Variants in EXOC4 observed in about 807,000 individuals in gnomAD.
EXOC4 encodes exocyst complex component 4, also known as SEC8-like 1.
Under a neutral mutation model 107.2 loss-of-function variants are expected in EXOC4, and 71 were observed. That is an observed-to-expected ratio of 0.66 (90% confidence interval 0.55 to 0.81). The LOEUF is 0.81. EXOC4 is among the 30% of genes least tolerant of loss of function. The pLI, the probability that EXOC4 is intolerant of heterozygous loss-of-function variation, is 0.00. For missense variants in EXOC4, 1,108 were observed against 1,189.6 expected (o/e 0.93, Z 1.01); for synonymous variants, 456 against 441.2 (o/e 1.03, Z -0.42).
At chr7:133,791,907 A>C (rs1796709991) in intron 10 of EXOC4, among the ~76,000 whole-genome samples, 1 of 152,240 alleles carries the variant, frequency 6.6e-6, no homozygotes, top group Non-Finnish European at 1.5e-5. Flanking sequence ...CTCTACAGTT[A>C]CTTCTCACTT....
At chr7:134,081,442 A>G in the EXOC4 span, among the ~76,000 whole-genome samples, 1 of 152,142 alleles carries the variant, frequency 6.6e-6, no homozygotes, top group Admixed American at 6.5e-5. Flanking sequence ...TTTTATTGCC[A>G]TTTGACATTC....
chr7:133,389,142 C>T (rs1005396117), intron 7 of EXOC4, among the ~76,000 whole-genome samples: 1 of 151,686 alleles, frequency 6.6e-6, no homozygotes, highest in African/African-American at 2.4e-5. Flanking sequence ...TGGAGAGCTG[C>T]GAATTAGAAG....
At chr7:133,943,741 T>A (rs1800485669) in intron 14 of EXOC4, among the ~76,000 whole-genome samples, 1 of 151,712 alleles carries the variant, frequency 6.6e-6, no homozygotes, top group South Asian at 2.1e-4. Flanking sequence ...ATTTTGCAAT[T>A]TGGTTATTTG....
In EXOC4 at chr7:133,305,933, C is replaced by A. The variant is rs1050179425; in HGVS notation, c.528C>A (p.Asp176Glu). 1 of 1,613,256 alleles carries A rather than the reference C, an allele frequency of 6.2e-7. No individual in the cohort carries two copies. Among genetic ancestry groups the A allele is most frequent in the Admixed American group, 1.7e-5 (1 of 59,924 alleles). The change falls in exon 4 of 18, where the codon GAC (aspartate) becomes GAA (glutamate). Residue 176 changes from aspartate (D) to glutamate (E), a missense_variant. Asp to Glu is a conservative substitution (Grantham distance 45, BLOSUM62 2). Coordinates refer to ENST00000253861, the MANE Select transcript of EXOC4 (RefSeq NM_021807.4). ...TGCTCCAGGTGGAAGGACTGAGTGA[C>A]CTTCGACTAGAGCTTCACAGCAAGA... is the stretch of plus-strand genomic sequence containing the variant. Reference protein sequence around the residue: ...GPLLQVEGLSDLRLELHSKKM... With the variant: ...GPLLQVEGLSELRLELHSKKM...
chr7:133,377,901 A>G (rs1211588842), intron 7 of EXOC4, among the ~76,000 whole-genome samples: 1 of 152,240 alleles, frequency 6.6e-6, no homozygotes. Flanking sequence ...TTGTCAATCT[A>G]GAATTTTGTG....
chr7:133,557,868 G>A (rs921102496), intron 9 of EXOC4, among the ~76,000 whole-genome samples: 1 of 152,122 alleles, frequency 6.6e-6, no homozygotes, highest in Non-Finnish European at 1.5e-5. Context: ...GCAGGTGCCT[G>A]TAATCGCAGC....
intron 11 of EXOC4, among the ~76,000 whole-genome samples, chr7:133,868,281 A>G (rs946180020): frequency 2.0e-5 from 3 of 152,218 alleles, no homozygotes; most frequent in Admixed American, 6.5e-5. Flanking sequence ...ACAGAGAATG[A>G]TTCTCTAATC....
chr7:133,866,476 A>G (rs1164253024), intron 11 of EXOC4, among the ~76,000 whole-genome samples: 6 of 152,180 alleles, frequency 3.9e-5, no homozygotes, highest in Admixed American at 2.6e-4. Context: ...GTAGCAAGAG[A>G]TAATGTAGCT....
chr7:133,764,450 C>T (rs780836878), intron 10 of EXOC4, among the ~76,000 whole-genome samples: 2 of 151,942 alleles, frequency 1.3e-5, no homozygotes, highest in Non-Finnish European at 2.9e-5. Flanking sequence ...AATCCATTCC[C>T]CTCCTAGGAG....
At position 133,541,019 on chromosome 7, in the gene EXOC4, T is replaced by C. The variant is rs188297152; in HGVS notation, c.1417+60881T>C. On this transcript the variant is annotated intron_variant, in intron 9 of 17. Coordinates refer to ENST00000253861, the MANE Select transcript of EXOC4 (RefSeq NM_021807.4). ...GGTTTTACATTAAGATATGCAATAA[T>C]AAGGAAAACCGTGGCACATCTGAAT... Among the ~76,000 whole-genome samples, 299 of 152,284 alleles carry C rather than the reference T, an allele frequency of 2.0e-3. 1 individual carries two copies. The highest frequency in any genetic ancestry group is 0.012 in the South Asian group (56 of 4,824).
chr7:133,723,743 G>T (rs1033001411), intron 10 of EXOC4, among the ~76,000 whole-genome samples: 2 of 151,992 alleles, frequency 1.3e-5, no homozygotes, highest in Non-Finnish European at 2.9e-5. Context: ...TACATGCCTC[G>T]GCCTCCCAAA....
At chr7:133,448,071 A>G (rs1798258253) in intron 7 of EXOC4, among the ~76,000 whole-genome samples, 1 of 152,222 alleles carries the variant, frequency 6.6e-6, no homozygotes, top group Non-Finnish European at 1.5e-5. Context: ...TGGGTGTTCA[A>G]CTAAAATATT....
chr7:133,496,359 G>A (rs766844601), intron 9 of EXOC4, among the ~76,000 whole-genome samples: 3 of 152,022 alleles, frequency 2.0e-5, no homozygotes, highest in Non-Finnish European at 4.4e-5. Context: ...TTGAGACAAG[G>A]TCTCACTTTT....
intron 11 of EXOC4, among the ~76,000 whole-genome samples, chr7:133,859,503 G>A (rs1218160534): frequency 6.6e-6 from 1 of 152,152 alleles, no homozygotes; most frequent in African/African-American, 2.4e-5. Context: ...CTTTCCATTT[G>A]CTTTAATTTC....
At chr7:133,673,446 C>T (rs1793990710) in intron 10 of EXOC4, among the ~76,000 whole-genome samples, 2 of 152,170 alleles carry the variant, frequency 1.3e-5, no homozygotes, top group Non-Finnish European at 2.9e-5. Flanking sequence ...CTGTCTTTCT[C>T]TTTTCCCCTT....
intron 6 of EXOC4, among the ~76,000 whole-genome samples, chr7:133,363,521 T>G (rs1796178201): frequency 6.6e-6 from 1 of 151,786 alleles, no homozygotes; most frequent in Non-Finnish European, 1.5e-5. Flanking sequence ...TTGGTTATAG[T>G]CATTAGAGAA....
At chr7:134,053,559 T>TA (rs1188744509) in intron 17 of EXOC4, among the ~76,000 whole-genome samples, 17 of 144,408 alleles carry the variant, frequency 1.2e-4, no homozygotes, top group Non-Finnish European at 2.6e-4. Flanking sequence ...TATATCTGAT[T>TA]TTATATATAT....
intron 14 of EXOC4, among the ~76,000 whole-genome samples, chr7:133,947,985 C>T (rs1384372696): frequency 6.6e-6 from 1 of 152,104 alleles, no homozygotes; most frequent in Admixed American, 6.5e-5. Context: ...AAATGGCATG[C>T]TGAAATTGCA....
chr7:134,027,392 G>A (rs947428580), intron 17 of EXOC4, among the ~76,000 whole-genome samples: 5 of 152,164 alleles, frequency 3.3e-5, no homozygotes, highest in Admixed American at 6.5e-5. Flanking sequence ...GGGCACCGTG[G>A]CTCATGCCTG....
Sources: allele counts gnomAD v4.1 joint callset (sites outside exome capture counted in the v4.1 genomes callset), GRCh38; gene constraint gnomAD v4.1.1; transcripts MANE v1.5; gene names NCBI Gene and HGNC (gene_info 2026-07-23, HGNC 2026-07-21).